The following SPIRE1 variants were observed in gnomAD, a reference collection of about 807,000 sequenced individuals.
SPIRE1 encodes the protein protein spire homolog 1.
A neutral mutation model predicts 94.1 loss-of-function variants in SPIRE1; 40 were observed. The observed-to-expected ratio is 0.43, with a 90% CI of 0.33 to 0.55. The LOEUF is 0.55. Ranked by LOEUF, SPIRE1 falls within the 20% of genes least tolerant of loss-of-function variation. SPIRE1 has a pLI of 0.06. For synonymous variants in SPIRE1, 376 were observed against 371.7 expected (o/e 1.01, Z -0.13); for missense variants, 838 against 975.2 (o/e 0.86, Z 1.87).
At chr18:12,573,888 T>C (rs948183352) in intron 2 of SPIRE1, among the ~76,000 whole-genome samples, 2 of 151,966 alleles carry the variant, frequency 1.3e-5, no homozygotes, top group Non-Finnish European at 2.9e-5. Context: ...TACAGGTGCC[T>C]GCCACCACGC....
intron 2 of SPIRE1, among the ~76,000 whole-genome samples, chr18:12,632,998 G>A (rs946519765): frequency 6.6e-6 from 1 of 152,160 alleles, no homozygotes; most frequent in Non-Finnish European, 1.5e-5. Context: ...TAAGGTTTAT[G>A]AAACATTTTA....
At chr18:12,551,543 T>TACAAAA (rs966734576) in intron 2 of SPIRE1, among the ~76,000 whole-genome samples, 3 of 151,650 alleles carry the variant, frequency 2.0e-5, no homozygotes, top group Non-Finnish European at 2.9e-5. Flanking sequence ...CTACTAAAAA[T>TACAAAA]ACAAAAACAA....
At chr18:12,596,203 C>A (rs2036667402) in intron 2 of SPIRE1, among the ~76,000 whole-genome samples, 1 of 152,128 alleles carries the variant, frequency 6.6e-6, no homozygotes, top group Admixed American at 6.6e-5. Context: ...TATTACCCAA[C>A]TTTTAGTGAA....
chr18:12,486,000 G>T lies in SPIRE1; in HGVS notation c.1190C>A (p.Ala397Glu). 1 of 1,516,200 alleles carries T rather than the reference G, an allele frequency of 6.6e-7. No individual in the cohort carries two copies. Among genetic ancestry groups the T allele is most frequent in the Non-Finnish European group, 8.8e-7 (1 of 1,136,734 alleles). 93.9% of individuals were successfully genotyped at this position (1,516,200 alleles called of 1,614,324 possible). A position where few individuals can be genotyped will look rare whatever the true frequency, so the allele number is the denominator to read the frequency against. ...GTAAGACATGCTAAGTGGCCGCATT[G>T]CTGAAAAAAAGAAAACAAACAATAA... ...SPEEIRRSRL[A>E]MRPLSMSYSF... Residue 397 changes from alanine (A) to glutamate (E), a missense_variant and splice_region_variant, in exon 9 of 17, where the codon GCA (alanine) becomes GAA (glutamate). By Grantham distance (107) the Ala-to-Glu change is moderately radical. Around this residue, in one of 2 missense-constraint regions of SPIRE1, gnomAD observed 645 missense variants for 804.7 expected, o/e 0.80. Coordinates refer to ENST00000409402, the MANE Select transcript of SPIRE1 (RefSeq NM_001128626.2).
chr18:12,474,685 G>A (rs2032491305), intron 10 of SPIRE1, among the ~76,000 whole-genome samples: 1 of 152,088 alleles, frequency 6.6e-6, no homozygotes, highest in South Asian at 2.1e-4. Context: ...AGCTGAGTGT[G>A]GTGGTGGGCA....
At chr18:12,507,063 T>G (rs1344403311) in intron 5 of SPIRE1, among the ~76,000 whole-genome samples, 1 of 152,238 alleles carries the variant, frequency 6.6e-6, no homozygotes, top group Non-Finnish European at 1.5e-5. Context: ...TACAATGGGC[T>G]TGTCCCTTGT....
chr18:12,519,976 T>TA (rs2034313060), intron 4 of SPIRE1, among the ~76,000 whole-genome samples: 2 of 152,166 alleles, frequency 1.3e-5, no homozygotes, highest in Non-Finnish European at 2.9e-5. Context: ...AAAAATAGGT[T>TA]AAAAATTATC....
chr18:12,562,063 A>G (rs1026315880), intron 2 of SPIRE1, among the ~76,000 whole-genome samples: 3 of 152,202 alleles, frequency 2.0e-5, no homozygotes, highest in Non-Finnish European at 4.4e-5. Flanking sequence ...AAGTTTACAA[A>G]GTTTTCTTTT....
chr18:12,654,407 G>A (rs1356751832), intron 1 of SPIRE1, among the ~76,000 whole-genome samples: 1 of 151,248 alleles, frequency 6.6e-6, no homozygotes, highest in African/African-American at 2.4e-5. Context: ...AGCACTTTGG[G>A]AGGCCGAGAC....
At chr18:12,567,482 C>G (rs2035848028) in intron 2 of SPIRE1, among the ~76,000 whole-genome samples, 1 of 152,128 alleles carries the variant, frequency 6.6e-6, no homozygotes, top group African/African-American at 2.4e-5. Flanking sequence ...TATAAAAAGG[C>G]AAAGGACCCA....
intron 2 of SPIRE1, among the ~76,000 whole-genome samples, chr18:12,615,544 A>AAAAAAAAAAAAAAAAAG: frequency 7.0e-6 from 1 of 143,398 alleles, no homozygotes; most frequent in Non-Finnish European, 1.5e-5. Flanking sequence ...TATCTCCACA[A>AAAAAAAAAAAAAAAAAG]AAAAAAAAAA....
chr18:12,492,819 T>C (rs1207408078), intron 8 of SPIRE1, among the ~76,000 whole-genome samples: 1 of 152,170 alleles, frequency 6.6e-6, no homozygotes, highest in African/African-American at 2.4e-5. Context: ...TACGGCACGA[T>C]GTTCTCATAT....
intron 2 of SPIRE1, among the ~76,000 whole-genome samples, chr18:12,596,976 C>T (rs1286596018): frequency 5.3e-5 from 8 of 151,970 alleles, no homozygotes; most frequent in Non-Finnish European, 8.8e-5. Context: ...ATGAGCAACC[C>T]GCCCAAAAGC....
At chr18:12,461,426 G>GTGTA (rs202021771) in intron 12 of SPIRE1, among the ~76,000 whole-genome samples, 6 of 71,206 alleles carry the variant, frequency 8.4e-5, no homozygotes, top group Non-Finnish European at 1.3e-4. Context: ...GTGTGTGTGT[G>GTGTA]TGTATGTATG....
At chr18:12,562,399 C>T (rs964996228) in intron 2 of SPIRE1, among the ~76,000 whole-genome samples, 1 of 148,778 alleles carries the variant, frequency 6.7e-6, no homozygotes, top group African/African-American at 2.4e-5. Flanking sequence ...ATCCTCCCAT[C>T]TCAGCCTCCA....
chr18:12,655,198 A>G (rs1485382062), intron 1 of SPIRE1, among the ~76,000 whole-genome samples: 1 of 151,286 alleles, frequency 6.6e-6, no homozygotes, highest in Non-Finnish European at 1.5e-5. Flanking sequence ...AGCCTTCAGC[A>G]GCCTGGGCAA....
intron 4 of SPIRE1, among the ~76,000 whole-genome samples, chr18:12,521,513 T>C (rs1222785659): frequency 6.6e-6 from 1 of 151,974 alleles, no homozygotes; most frequent in Non-Finnish European, 1.5e-5. Context: ...TTTGTAGTAT[T>C]AGTAGAGATG....
rs1426044732 is a variant in SPIRE1, at chr18:12,479,753, C to T, written c.1350G>A (p.Arg450=). 6.2e-7 allele frequency: 1 copy of T among 1,614,070 alleles called. No homozygotes were observed. Among genetic ancestry groups the T allele is most frequent in the South Asian group, 1.1e-5 (1 of 91,070 alleles). ...LSTSQQVPAQ[R]KKLLRAPTLA... is the part of the protein sequence containing the mutation. ...GAGTTGGGGCTCTGAGGAGCTTCTT[C>T]CGCTGTGCAGGCACCTGCTGTGAGG... is the stretch of plus-strand genomic sequence containing the variant. The change falls in exon 10 of 17, where the codon CGG becomes CGA. Residue 450 remains arginine, a synonymous_variant. Transcript: ENST00000409402.
intron 3 of SPIRE1, among the ~76,000 whole-genome samples, chr18:12,540,243 C>G (rs1249922379): frequency 2.6e-5 from 4 of 152,092 alleles, no homozygotes; most frequent in African/African-American, 4.8e-5. Context: ...TTTGGTAATC[C>G]TAGACTTGTT....
Sources: allele counts gnomAD v4.1 joint callset (sites outside exome capture counted in the v4.1 genomes callset), GRCh38; gene constraint gnomAD v4.1.1; regional missense constraint gnomAD v4.1.1; transcripts MANE v1.5; gene names NCBI Gene and HGNC (gene_info 2026-07-23, HGNC 2026-07-21).